The following ABCC9 variants were observed in gnomAD, a reference collection of about 807,000 sequenced individuals.
ABCC9 encodes the protein ATP binding cassette subfamily C member 9.
In ABCC9, 95 loss-of-function variants were observed where a neutral mutation model predicts 188.3. That is an observed-to-expected ratio of 0.50 (90% confidence interval 0.43 to 0.60). The LOEUF is 0.60. Ranked by LOEUF, ABCC9 falls within the 20% of genes least tolerant of loss-of-function variation. ABCC9 has a pLI of 0.00. For missense variants in ABCC9, 1,102 were observed against 1,876.3 expected, an observed-to-expected ratio of 0.59 and a Z score of 7.62; for synonymous variants, 659 against 652.7, an observed-to-expected ratio of 1.01 and a Z score of -0.15.
intron 16 of ABCC9, among the ~76,000 whole-genome samples, chr12:21,881,756 A>T (rs1038637803): frequency 6.6e-6 from 1 of 151,652 alleles, no homozygotes; most frequent in Admixed American, 6.6e-5. Context: ...TTTGTAAGTG[A>T]TTCTAATGCA....
chr12:21,818,275 T>C, intron 31 of ABCC9, 24 bp from the exon 32 acceptor site: 1 of 1,595,672 alleles, frequency 6.3e-7, no homozygotes, highest in East Asian at 2.2e-5. Flanking sequence ...AGAGAAAATG[T>C]TAAAAGGTTA....
rs753102079 is a variant in ABCC9, at chr12:21,801,021, ATGTAT to A, written c.*18_*22del. 1.5e-5 allele frequency: 24 copies of A among 1,613,324 alleles called. No individual in the cohort carries two copies. In the South Asian group the frequency reaches 2.4e-4, roughly 16 times the overall value. On this transcript the variant is annotated 3_prime_UTR_variant, in exon 40 of 40. Transcript: ENST00000261200. ...GTTATGACTGCATTATTTTAAATAC[ATGTAT>A]TGTTTTAAGACACTCCTTCACATGT...
At chr12:21,911,417 A>G (rs1448435880) in intron 8 of ABCC9, among the ~76,000 whole-genome samples, 1 of 151,936 alleles carries the variant, frequency 6.6e-6, no homozygotes, top group Non-Finnish European at 1.5e-5. Context: ...TGATTCTCAG[A>G]TATCTTAATT....
intron 30 of ABCC9, 114 bp downstream of exon 30, chr12:21,837,964 A>C: frequency 1.1e-6 from 1 of 893,670 alleles, no homozygotes; most frequent in East Asian, 2.5e-5. Flanking sequence ...GTACACCATC[A>C]GGCACACAAT....
At chr12:21,931,398 A>T (rs1487974275) in intron 4 of ABCC9, among the ~76,000 whole-genome samples, 3 of 139,968 alleles carry the variant, frequency 2.1e-5, no homozygotes, top group South Asian at 2.2e-4. Context: ...TTACTTTATT[A>T]AAAAAAAAAA....
intron 12 of ABCC9, among the ~76,000 whole-genome samples, chr12:21,903,247 AT>A (rs1947859887): frequency 6.6e-6 from 1 of 152,182 alleles, no homozygotes; most frequent in South Asian, 2.1e-4. Flanking sequence ...ATGCTAAAAA[AT>A]CTCAATAAAT....
intron 28 of ABCC9, among the ~76,000 whole-genome samples, chr12:21,843,600 A>T (rs572007959): frequency 1.3e-5 from 2 of 152,120 alleles, no homozygotes; most frequent in Non-Finnish European, 2.9e-5. Flanking sequence ...TTTTCATATG[A>T]TATATCTTAT....
At chr12:21,816,716 C>G (rs942718159) in intron 33 of ABCC9, among the ~76,000 whole-genome samples, 1 of 152,040 alleles carries the variant, frequency 6.6e-6, no homozygotes, top group Non-Finnish European at 1.5e-5. Context: ...AACTAGATGA[C>G]TGTTGAAAAA....
At chr12:21,833,028 A>G (rs1449352392) in intron 30 of ABCC9, among the ~76,000 whole-genome samples, 1 of 152,192 alleles carries the variant, frequency 6.6e-6, no homozygotes, top group Non-Finnish European at 1.5e-5. Flanking sequence ...AAGAATAGAA[A>G]ACCAAATATC....
At chr12:21,900,271 A>G (rs1161618392) in intron 12 of ABCC9, among the ~76,000 whole-genome samples, 2 of 152,260 alleles carry the variant, frequency 1.3e-5, no homozygotes, top group Non-Finnish European at 2.9e-5. Context: ...AGGAAAAGTA[A>G]CAAACAGAAA....
chr12:21,808,422 A>C lies in ABCC9; in HGVS notation c.4316-943T>G, dbSNP rs114078187. ...GCCTGTGCTGTACCATAACCCCAAA[A>C]CACTATGCCCACAATCTAAACAGGT... On this transcript the variant is annotated intron_variant, in intron 37 of 39. Transcript: ENST00000261200. Among the ~76,000 whole-genome samples the C allele has an allele frequency of 2.6e-3, 400 of 152,188 alleles. 4 individuals carry two copies. Among genetic ancestry groups the C allele is most frequent in the African/African-American group, 9.1e-3 (378 of 41,540 alleles).
chr12:21,823,550 A>G (rs1943177261), intron 31 of ABCC9, among the ~76,000 whole-genome samples: 1 of 152,136 alleles, frequency 6.6e-6, no homozygotes, highest in South Asian at 2.1e-4. Flanking sequence ...CACCCTAAAG[A>G]CCATTTTCAC....
At chr12:21,807,578 G>C (rs1941945194) in intron 37 of ABCC9, 99 bp from the exon 38 acceptor site, 1 of 1,500,730 alleles carries the variant, frequency 6.7e-7, no homozygotes, top group Admixed American at 1.7e-5. Flanking sequence ...ATGACAGCAT[G>C]ATGGATATCA....
chr12:21,852,526 G>A lies in ABCC9; in HGVS notation c.2506-21C>T, dbSNP rs757906288. 8 of 1,606,398 alleles carry A rather than the reference G, an allele frequency of 5.0e-6. No individual in the cohort carries two copies. The South Asian group carries it at 8.8e-5, about 18-fold the overall frequency. ...TCATCCTGCAATCAGTAAAATGGAG[G>A]AAAGATGGACGTTTTCTATACTTGT... On this transcript the variant is annotated intron_variant, in intron 22 of 39. Coordinates refer to ENST00000261200, the MANE Select transcript of ABCC9 (RefSeq NM_020297.4).
chr12:21,915,454 ATG>A (rs1373666896), intron 7 of ABCC9, among the ~76,000 whole-genome samples: 2 of 82,128 alleles, frequency 2.4e-5, no homozygotes, highest in African/African-American at 4.2e-5. Flanking sequence ...ATATGTATAT[ATG>A]TGTGTATATG....
rs775765922 is a variant in ABCC9 at position 21,797,556 on chromosome 12, A to T, written c.*3488T>A. The T allele has an allele frequency of 8.0e-5, 12 of 149,746 alleles. No homozygotes were observed. The highest frequency in any genetic ancestry group is 2.1e-4 in the South Asian group (1 of 4,828). The allele number at this position is 149,746 out of a possible 1,614,324, so 9.3% of individuals were successfully genotyped here. A position where few individuals can be genotyped will look rare whatever the true frequency, so the allele number is the denominator to read the frequency against. On this transcript the variant is annotated 3_prime_UTR_variant, in exon 40 of 40. Transcript: ENST00000261200. ...AAAGGAAAGAGAATAACCTATAGTT[A>T]TAGGCACATGGCAGTAAAACTAATC...
At chr12:21,839,810 C>T (rs67543549) in intron 29 of ABCC9, among the ~76,000 whole-genome samples, 4,228 of 152,272 alleles carry the variant, frequency 0.028, 84 homozygotes, top group Middle Eastern at 0.092. Flanking sequence ...GTTCCCAAAA[C>T]AAATGCAAGT....
At chr12:21,817,339 ATAAAT>A (rs780836586) in intron 32 of ABCC9, 32 bp from the exon 33 acceptor site, 29 of 1,609,420 alleles carry the variant, frequency 1.8e-5, no homozygotes, top group Middle Eastern at 3.3e-4. Context: ...ATTGTTTTAA[ATAAAT>A]TAAAGTAAGA....
At position 21,822,763 on chromosome 12, in the gene ABCC9, C is replaced by A. The variant is rs1360283554; in HGVS notation, c.3670-4512G>T. On this transcript the variant is annotated intron_variant, in intron 31 of 39. Coordinates refer to ENST00000261200, the MANE Select transcript of ABCC9 (RefSeq NM_020297.4). ...CTGAGATCATGCCACTGCACTCTAGCCTGGGCGACAGAGTGAGACTCCGTC... is the reference window on the plus strand; with the variant it reads ...CTGAGATCATGCCACTGCACTCTAGACTGGGCGACAGAGTGAGACTCCGTC... Among the ~76,000 whole-genome samples, 3 of 147,150 alleles carry A rather than the reference C, an allele frequency of 2.0e-5. No individual in the cohort carries two copies. In the East Asian group the frequency reaches 5.9e-4, roughly 29 times the overall value.
Sources: allele counts gnomAD v4.1 joint callset (sites outside exome capture counted in the v4.1 genomes callset), GRCh38; gene constraint gnomAD v4.1.1; transcripts MANE v1.5; gene names NCBI Gene and HGNC (gene_info 2026-07-23, HGNC 2026-07-21).